The following SCLT1 variants were observed in gnomAD, a reference collection of about 807,000 sequenced individuals.
SCLT1 encodes sodium channel-associated protein 1.
Under a neutral mutation model 112.8 loss-of-function variants are expected in SCLT1, and 78 were observed. The observed-to-expected ratio is 0.69, with a 90% CI of 0.58 to 0.83. The LOEUF (loss-of-function observed/expected upper bound fraction) is 0.83, where lower values mean the gene tolerates loss of function less well. SCLT1 is among the 40% of genes least tolerant of loss of function. SCLT1 has a pLI of 0.00. For missense variants in SCLT1, 747 were observed against 770.4 expected, an observed-to-expected ratio of 0.97 and a Z score of 0.36; for synonymous variants, 257 against 254.7, an observed-to-expected ratio of 1.01 and a Z score of -0.09.
At chr4:128,943,280 G>T in intron 16 of SCLT1, 92 bp from the exon 17 acceptor site, 3 of 905,066 alleles carry the variant, frequency 3.3e-6, no homozygotes, top group African/African-American at 1.7e-5. Context: ...ATGGACTTTT[G>T]TTTGCTTTAT....
chr4:128,992,317 T>C (rs1174181156), intron 8 of SCLT1, 80 bp from the exon 9 acceptor site: 3 of 889,624 alleles, frequency 3.4e-6, no homozygotes, highest in Admixed American at 2.7e-5. Flanking sequence ...GACATACAAG[T>C]AGAAAAAAAG....
At chr4:128,938,324 A>C (rs1737385694) in intron 17 of SCLT1, among the ~76,000 whole-genome samples, 1 of 152,230 alleles carries the variant, frequency 6.6e-6, no homozygotes, top group South Asian at 2.1e-4. Context: ...AGCAAACTGC[A>C]AACATTCTGT....
At chr4:129,030,757 A>C (rs752399049) in intron 5 of SCLT1, among the ~76,000 whole-genome samples, 12 of 152,182 alleles carry the variant, frequency 7.9e-5, no homozygotes, top group Non-Finnish European at 1.5e-4. Context: ...AGACTAAACC[A>C]GGAAGAAGTC....
chr4:128,885,741 G>A (rs1382619942), intron 20 of SCLT1, among the ~76,000 whole-genome samples: 5 of 152,266 alleles, frequency 3.3e-5, no homozygotes, highest in Admixed American at 6.5e-5. Context: ...ACTGTGCTCC[G>A]GAGACTGTAC....
intron 18 of SCLT1, among the ~76,000 whole-genome samples, chr4:128,896,115 G>A (rs559102890): frequency 6.6e-6 from 1 of 152,336 alleles, no homozygotes; most frequent in Non-Finnish European, 1.5e-5. Context: ...CTGGGGGCAG[G>A]GCATTGCCAA....
chr4:129,044,353 G>T (rs1747980694), intron 2 of SCLT1, among the ~76,000 whole-genome samples: 1 of 151,700 alleles, frequency 6.6e-6, no homozygotes, highest in African/African-American at 2.4e-5. Context: ...AAGATGGAAG[G>T]CTATTATTAT....
intron 5 of SCLT1, among the ~76,000 whole-genome samples, chr4:129,020,205 G>C (rs1292878462): frequency 6.6e-6 from 1 of 152,100 alleles, no homozygotes; most frequent in Non-Finnish European, 1.5e-5. Flanking sequence ...TACTTCTTCT[G>C]ACTGAGCTCA....
In SCLT1 at chr4:128,988,040, C is replaced by T. The variant is rs147635888; in HGVS notation, c.686+4127G>A. Among the ~76,000 whole-genome samples the T allele has an allele frequency of 7.3e-3, 1,103 of 151,764 alleles. 15 individuals carry two copies. Among genetic ancestry groups the T allele is most frequent in the Middle Eastern group, 0.034 (10 of 294 alleles). On this transcript the variant is annotated intron_variant, in intron 9 of 20. Transcript: ENST00000281142. ...AAAAGCTTATGAATTTTGTCAACAC[C>T]GAACCTGTCTTACAAGAAATGTTAA...
At chr4:128,990,594 ACAGT>A (rs757236864) in intron 9 of SCLT1, among the ~76,000 whole-genome samples, 1 of 151,792 alleles carries the variant, frequency 6.6e-6, no homozygotes, top group Admixed American at 6.6e-5. Flanking sequence ...CCTAGCCAAA[ACAGT>A]CAGACAAGGG....
intron 5 of SCLT1, among the ~76,000 whole-genome samples, chr4:129,014,902 TG>T (rs762584739): frequency 6.6e-6 from 1 of 151,884 alleles, no homozygotes; most frequent in South Asian, 2.1e-4. Context: ...GGGATGGGTG[TG>T]GGGGGCCCCT....
chr4:128,958,497 G>A (rs1023294816), intron 12 of SCLT1, among the ~76,000 whole-genome samples: 6 of 152,146 alleles, frequency 3.9e-5, no homozygotes, highest in African/African-American at 1.4e-4. Context: ...AGATTTGAGT[G>A]AGAAGATTTG....
At chr4:129,011,593 T>G (rs1205754081) in intron 5 of SCLT1, among the ~76,000 whole-genome samples, 1 of 151,666 alleles carries the variant, frequency 6.6e-6, no homozygotes, top group Non-Finnish European at 1.5e-5. Flanking sequence ...ATTTTTTTTT[T>G]GGAATAGTTT....
At chr4:129,038,533 G>A (rs1206994878) in intron 5 of SCLT1, among the ~76,000 whole-genome samples, 1 of 152,064 alleles carries the variant, frequency 6.6e-6, no homozygotes, top group Non-Finnish European at 1.5e-5. Flanking sequence ...GTAAAAGCAA[G>A]GGAATGATAA....
chr4:129,027,059 A>G (rs1746171324), intron 5 of SCLT1, among the ~76,000 whole-genome samples: 1 of 152,198 alleles, frequency 6.6e-6, no homozygotes, highest in Non-Finnish European at 1.5e-5. Context: ...GCAATAATCA[A>G]TAACTTACCA....
intron 9 of SCLT1, among the ~76,000 whole-genome samples, chr4:128,979,011 A>G (rs1315764416): frequency 1.3e-5 from 2 of 152,206 alleles, no homozygotes; most frequent in Admixed American, 6.5e-5. Flanking sequence ...TACAATGTTA[A>G]TAACAACTCC....
chr4:129,093,441 C>A lies in SCLT1; in HGVS notation c.-338G>T. On this transcript the variant is annotated 5_prime_UTR_variant, in exon 1 of 21. Coordinates refer to ENST00000281142, the MANE Select transcript of SCLT1 (RefSeq NM_144643.4). Reference sequence around the variant, plus strand: ...GCCACCTAGGAGAGTGCCGCGGGAGCTTGACGGCAGCCTGAGAGCGGCGTT... The same window carrying A: ...GCCACCTAGGAGAGTGCCGCGGGAGATTGACGGCAGCCTGAGAGCGGCGTT... 1 of 290,608 alleles carries A rather than the reference C, an allele frequency of 3.4e-6. No homozygotes were observed. Among genetic ancestry groups the A allele is most frequent in the Non-Finnish European group, 6.4e-6 (1 of 155,730 alleles). The allele number at this position is 290,608 out of a possible 1,614,324, so 18.0% of individuals were successfully genotyped here.
intron 18 of SCLT1, among the ~76,000 whole-genome samples, chr4:128,913,865 T>C (rs1735278099): frequency 6.6e-5 from 10 of 152,164 alleles, no homozygotes; most frequent in Admixed American, 6.5e-4. Context: ...GAAAGCTCCA[T>C]GAGGGCAGGG....
intron 18 of SCLT1, among the ~76,000 whole-genome samples, chr4:128,915,356 G>A (rs534388279): frequency 6.6e-6 from 1 of 152,284 alleles, no homozygotes; most frequent in Admixed American, 6.5e-5. Flanking sequence ...TTCTCCTCTG[G>A]AAGTATGACC....
intron 14 of SCLT1, among the ~76,000 whole-genome samples, chr4:128,951,868 T>A (rs146836125): frequency 2.6e-5 from 4 of 152,268 alleles, no homozygotes; most frequent in African/African-American, 9.6e-5. Context: ...TTGGGACCAA[T>A]ACACAATGAT....
Sources: allele counts gnomAD v4.1 joint callset (sites outside exome capture counted in the v4.1 genomes callset), GRCh38; gene constraint gnomAD v4.1.1; transcripts MANE v1.5; gene names NCBI Gene and HGNC (gene_info 2026-07-23, HGNC 2026-07-21).